DPP10: variants seen among roughly 807,000 people sequenced by gnomAD.
DPP10 encodes inactive dipeptidyl peptidase 10.
DPP10 carries 33 observed loss-of-function variants against 120.9 expected under a neutral mutation model. That is an observed-to-expected ratio of 0.27 (90% CI 0.21 to 0.37). The LOEUF is 0.37. Among genes scored for constraint, DPP10 ranks in the 10% least tolerant of loss-of-function variants. The probability of loss-of-function intolerance (pLI) is 1.00; values close to 1 mark genes in which losing one functional copy is unlikely to be tolerated. For missense variants in DPP10, 816 were observed against 942.8 expected (o/e 0.87, Z 1.76); for synonymous variants, 337 against 326.1 (o/e 1.03, Z -0.36).
At chr2:115,628,694 A>G (rs552034567) in intron 5 of DPP10, among the ~76,000 whole-genome samples, 1 of 152,174 alleles carries the variant, frequency 6.6e-6, no homozygotes, top group East Asian at 1.9e-4. Context: ...TAATTTTTGT[A>G]TAAGGTGTAA....
chr2:115,557,189 T>A (rs1306976004), intron 5 of DPP10, among the ~76,000 whole-genome samples: 2 of 152,260 alleles, frequency 1.3e-5, no homozygotes, highest in East Asian at 3.9e-4. Flanking sequence ...ACATACTGAA[T>A]TTCTAGGTGT....
chr2:114,731,301 GTCATGGGC>G (rs1234782902), intron 1 of DPP10, among the ~76,000 whole-genome samples: 1 of 151,832 alleles, frequency 6.6e-6, no homozygotes, highest in East Asian at 1.9e-4. Context: ...AGAATGCCTG[GTCATGGGC>G]AATATTTTGT....
chr2:114,625,325 A>C (rs1694428232), intron 1 of DPP10, among the ~76,000 whole-genome samples: 1 of 151,970 alleles, frequency 6.6e-6, no homozygotes, highest in African/African-American at 2.4e-5. Context: ...TGTTGGTTAG[A>C]TCTAGAGGTA....
chr2:114,620,674 G>C (rs768782833), intron 1 of DPP10, among the ~76,000 whole-genome samples: 11 of 152,048 alleles, frequency 7.2e-5, no homozygotes, highest in Non-Finnish European at 1.3e-4. Context: ...TATATTCAGA[G>C]AGTTTCAGAG....
chr2:115,788,898 C>T (rs952424447), intron 17 of DPP10, among the ~76,000 whole-genome samples: 14 of 152,116 alleles, frequency 9.2e-5, no homozygotes, highest in South Asian at 4.1e-4. Context: ...GGGTGGAGAT[C>T]GTGAGGTCAG....
intron 1 of DPP10, among the ~76,000 whole-genome samples, chr2:114,950,469 A>AT (rs35353548): frequency 0.24 from 34,760 of 145,078 alleles, 4,376 homozygotes; most frequent in South Asian, 0.31. Context: ...TAATTTTTTT[A>AT]TTTTTTTTTT....
At chr2:114,580,038 T>C (rs1490156061) in intron 1 of DPP10, among the ~76,000 whole-genome samples, 1 of 152,200 alleles carries the variant, frequency 6.6e-6, no homozygotes, top group African/African-American at 2.4e-5. Context: ...GTAGGTCAGA[T>C]AACATTTAAG....
chr2:114,799,615 T>G (rs955187080), intron 1 of DPP10, among the ~76,000 whole-genome samples: 9 of 152,188 alleles, frequency 5.9e-5, no homozygotes, highest in African/African-American at 2.2e-4. Context: ...GGGTACTCAT[T>G]TTTTAGCACA....
At chr2:115,764,314 A>G (rs989655307) in intron 12 of DPP10, among the ~76,000 whole-genome samples, 3 of 152,166 alleles carry the variant, frequency 2.0e-5, no homozygotes, top group African/African-American at 4.8e-5. Flanking sequence ...GGGTAGGTAG[A>G]TGGATAGACA....
chr2:114,933,003 A>G (rs1696194823), intron 1 of DPP10, among the ~76,000 whole-genome samples: 1 of 152,216 alleles, frequency 6.6e-6, no homozygotes, highest in Non-Finnish European at 1.5e-5. Flanking sequence ...CAGAATAGTT[A>G]TGAACTATCT....
chr2:114,540,817 T>C (rs1251320428), intron 1 of DPP10, among the ~76,000 whole-genome samples: 2 of 152,164 alleles, frequency 1.3e-5, no homozygotes, highest in African/African-American at 2.4e-5. Context: ...CTTATACGCC[T>C]CCTGCTCCCC....
At chr2:115,171,492 G>T (rs1014985274) in intron 1 of DPP10, among the ~76,000 whole-genome samples, 3 of 151,888 alleles carry the variant, frequency 2.0e-5, no homozygotes, top group Admixed American at 1.3e-4. Flanking sequence ...AACATTCAGA[G>T]AAACTGTTGT....
intron 1 of DPP10, among the ~76,000 whole-genome samples, chr2:114,707,913 T>C (rs772378415): frequency 1.3e-5 from 2 of 152,168 alleles, no homozygotes; most frequent in African/African-American, 4.8e-5. Context: ...AGGGGGACTC[T>C]AAAACCTCAC....
At chr2:115,781,134 T>A (rs530656653) in intron 16 of DPP10, 139 bp downstream of exon 16, 44 of 569,564 alleles carry the variant, frequency 7.7e-5, no homozygotes, top group Non-Finnish European at 1.2e-4. Flanking sequence ...ATACATTATA[T>A]ATAGACTTAC....
chr2:114,607,995 T>C (rs1015937706), intron 1 of DPP10, among the ~76,000 whole-genome samples: 2 of 152,168 alleles, frequency 1.3e-5, no homozygotes, highest in Non-Finnish European at 2.9e-5. Context: ...GAGCTGGTCA[T>C]GAGCCTCAAG....
At chr2:114,529,851 C>G (rs1685814983) in intron 1 of DPP10, among the ~76,000 whole-genome samples, 1 of 152,056 alleles carries the variant, frequency 6.6e-6, no homozygotes, top group African/African-American at 2.4e-5. Flanking sequence ...CTCCCTCTGT[C>G]CTCTGATAGG....
chr2:115,716,403 TGTAACAG>T (rs1032465907), intron 7 of DPP10, among the ~76,000 whole-genome samples: 9 of 152,220 alleles, frequency 5.9e-5, no homozygotes, highest in African/African-American at 1.9e-4. Context: ...TGTATCCCAT[TGTAACAG>T]ACAGATTAAC....
intron 1 of DPP10, among the ~76,000 whole-genome samples, chr2:114,780,127 CT>C (rs1372775800): frequency 6.6e-6 from 1 of 151,690 alleles, no homozygotes; most frequent in Non-Finnish European, 1.5e-5. Flanking sequence ...CAAAGCGAGA[CT>C]GCGTCTCAAA....
chr2:115,305,127 G>A, intron 1 of DPP10, among the ~76,000 whole-genome samples: 1 of 151,960 alleles, frequency 6.6e-6, no homozygotes, highest in East Asian at 1.9e-4. Context: ...ATCATTTAAT[G>A]TTTGCCCCTA....
Sources: allele counts gnomAD v4.1 joint callset (sites outside exome capture counted in the v4.1 genomes callset), GRCh38; gene constraint gnomAD v4.1.1; transcripts MANE v1.5; gene names NCBI Gene and HGNC (gene_info 2026-07-23, HGNC 2026-07-21).